QSER1: variants seen among roughly 807,000 people sequenced by gnomAD.
QSER1 encodes glutamine and serine-rich protein 1.
In QSER1, 49 loss-of-function variants were observed where a neutral mutation model predicts 158.5. The ratio of observed to expected loss-of-function variants is 0.31; its 90% confidence interval spans 0.25 to 0.39. QSER1 has a LOEUF of 0.39. QSER1 is among the 10% of genes least tolerant of loss of function. The probability of loss-of-function intolerance (pLI) is 1.00; values close to 1 mark genes in which losing one functional copy is unlikely to be tolerated. For synonymous variants in QSER1, 650 were observed against 715.5 expected (o/e 0.91, Z 1.46); for missense variants, 1,754 against 2,010.3 (o/e 0.87, Z 2.44).
At position 32,893,680 on chromosome 11, in the gene QSER1, A is replaced by C. The variant is rs1851516267; in HGVS notation, c.209+346A>C. Among the ~76,000 whole-genome samples, 2 of 152,072 alleles carry C rather than the reference A, an allele frequency of 1.3e-5. No homozygotes were observed. The highest frequency in any genetic ancestry group is 4.2e-4 in the South Asian group (2 of 4,814). ...ACCCAGGATTGGCGCCGGGGGTCCG[A>C]AGGGGGCGCCGGAGAGTTTGGGGCA... On this transcript the variant is annotated intron_variant, in intron 1 of 12. Transcript: ENST00000650167. The surrounding 1 kb of genome is among the most constrained non-coding windows in gnomAD (Gnocchi z 4.7).
At chr11:32,928,178 T>C in intron 3 of QSER1, 55 bp downstream of exon 3, 3 of 1,058,326 alleles carry the variant, frequency 2.8e-6, no homozygotes, top group Admixed American at 1.7e-5. Flanking sequence ...ATGAAACATA[T>C]ACATTTGATG....
chr11:32,897,351 G>A (rs539829550), intron 1 of QSER1, among the ~76,000 whole-genome samples: 1 of 152,320 alleles, frequency 6.6e-6, no homozygotes, highest in South Asian at 2.1e-4. Context: ...TTGTAAGATA[G>A]TGGAATGCTG....
At chr11:32,964,734 AT>A (rs1852699919) in intron 8 of QSER1, among the ~76,000 whole-genome samples, 1 of 114,646 alleles carries the variant, frequency 8.7e-6, no homozygotes, top group African/African-American at 3.2e-5. Flanking sequence ...ATATATATAT[AT>A]ATATACACAC....
chr11:32,933,182 CA>C lies in QSER1; in HGVS notation c.1925del (p.Gln642ArgfsTer25), dbSNP rs1852080647. 6.2e-7 allele frequency: 1 copy of C among 1,613,742 alleles called. No individual in the cohort carries two copies. The highest frequency in any genetic ancestry group is 1.7e-5 in the Admixed American group (1 of 59,942). On this transcript the variant is annotated frameshift_variant, in exon 4 of 13. Coordinates refer to ENST00000650167, the MANE Select transcript of QSER1 (RefSeq NM_001076786.3). LOFTEE classifies it high-confidence loss of function. The stretch of plus-strand genomic sequence containing the variant: ...TCAAGAGTCATCATCTCCCCAGTCC[CA>C]GAAGTTTTTGCCTGCTGTCCAGTCA... Reference protein sequence around the residue: ...QTQESSSPQSQKFLPAVQSSS... With the variant: ...QTQESSSPQSXKFLPAVQSSS...
intron 1 of QSER1, among the ~76,000 whole-genome samples, chr11:32,914,583 C>T (rs993316844): frequency 5.9e-5 from 9 of 152,222 alleles, no homozygotes; most frequent in Non-Finnish European, 7.4e-5. Context: ...TAACATATTT[C>T]GTGAAACATT....
At position 32,957,978 on chromosome 11, in the gene QSER1, G is replaced by T; in HGVS notation, c.4861G>T (p.Val1621Leu). The T allele has an allele frequency of 6.2e-7, 1 of 1,614,072 alleles. No individual in the cohort carries two copies. Among genetic ancestry groups the T allele is most frequent in the Non-Finnish European group, 8.5e-7 (1 of 1,179,996 alleles). Residue 1621 changes from valine to leucine, a missense_variant, in exon 8 of 13, where the codon GTA becomes TTA. Physicochemically the swap from Val to Leu is conservative, Grantham distance 32. This residue lies in a region of QSER1 where 1,707 missense variants were observed against 1,919.6 expected (regional missense o/e 0.89). Transcript: ENST00000650167. ...SVKPKVKQPK[V>L]KAEPPPKKRK... The stretch of plus-strand genomic sequence containing the variant: ...GAAACCCAAAGTTAAACAGCCAAAA[G>T]TAAAGGCTGAGCCACCACCAAAGAA...
rs1028169072 is a variant in QSER1, at chr11:32,933,712, C to T, written c.2454C>T (p.Ser818=). ...QHPLILKVHE[S]KVQEQHDQII... ...CTCTCATACTTAAGGTGCATGAGTC[C>T]AAGGTCCAGGAACAGCACGATCAAA... Residue 818 remains serine, a synonymous_variant, in exon 4 of 13, where the codon TCC becomes TCT. Coordinates refer to ENST00000650167, the MANE Select transcript of QSER1 (RefSeq NM_001076786.3). 2.5e-6 allele frequency: 4 copies of T among 1,613,942 alleles called. No individual in the cohort carries two copies. The South Asian group carries it at 4.4e-5, about 18-fold the overall frequency.
Position 32,933,645 on chromosome 11 carries a change from C to T in QSER1, c.2387C>T (p.Pro796Leu). ...LKNSTNLIQTPQIRLNTKDLK... is the reference protein window; with the variant it reads ...LKNSTNLIQTLQIRLNTKDLK... ...AACTCAACTAATTTAATACAGACTC[C>T]ACAAATAAGGTTGAATACTAAAGAC... Residue 796 changes from proline (P) to leucine (L), a missense_variant, in exon 4 of 13, where the codon CCA becomes CTA. Pro to Leu is a moderately conservative substitution (Grantham distance 98). Transcript: ENST00000650167. 1.2e-6 allele frequency: 2 copies of T among 1,613,554 alleles called. No individual in the cohort carries two copies. The highest frequency in any genetic ancestry group is 2.2e-5 in the South Asian group (2 of 90,942).
intron 8 of QSER1, among the ~76,000 whole-genome samples, chr11:32,959,364 G>A (rs1248071558): frequency 6.6e-6 from 1 of 152,176 alleles, no homozygotes; most frequent in Non-Finnish European, 1.5e-5. Flanking sequence ...AAGAAAAGAG[G>A]AAGGGATGAT....
chr11:32,916,631 T>C (rs1221852969), intron 1 of QSER1, among the ~76,000 whole-genome samples: 1 of 152,232 alleles, frequency 6.6e-6, no homozygotes, highest in African/African-American at 2.4e-5. Flanking sequence ...AGGATCTTAC[T>C]GCCCTGAATA....
chr11:32,954,708 T>G (rs186510294), intron 5 of QSER1, among the ~76,000 whole-genome samples: 8 of 152,260 alleles, frequency 5.3e-5, no homozygotes, highest in Non-Finnish European at 7.4e-5. Flanking sequence ...AAAATAGAGA[T>G]GGGATCATGC....
rs772551547 is a variant in QSER1 at position 32,957,980 on chromosome 11, A to G, written c.4863A>G (p.Val1621=). 150 of 1,614,034 alleles carry G rather than the reference A, an allele frequency of 9.3e-5. No homozygotes were observed. Among genetic ancestry groups the G allele is most frequent in the Admixed American group, 2.2e-4 (13 of 60,016 alleles). Residue 1621 remains valine (V), a synonymous_variant, in exon 8 of 13, where the codon GTA becomes GTG. Transcript: ENST00000650167. ...SVKPKVKQPK[V]KAEPPPKKRK... Reference sequence around the variant, plus strand: ...AACCCAAAGTTAAACAGCCAAAAGTAAAGGCTGAGCCACCACCAAAGAAAC... The same window carrying G: ...AACCCAAAGTTAAACAGCCAAAAGTGAAGGCTGAGCCACCACCAAAGAAAC...
At chr11:32,928,250 T>A in intron 3 of QSER1, 127 bp downstream of exon 3, 1 of 632,652 alleles carries the variant, frequency 1.6e-6, no homozygotes, top group Non-Finnish European at 2.7e-6. Context: ...CTTTAAGACC[T>A]GGAATTTTTC....
intron 10 of QSER1, 144 bp from the exon 11 acceptor site, chr11:32,973,253 C>T: frequency 1.3e-6 from 1 of 794,976 alleles, no homozygotes; most frequent in South Asian, 1.6e-5. Flanking sequence ...ACACACACCT[C>T]TCTGCAAATA....
Position 32,952,004 on chromosome 11 carries a change from A to T in QSER1, c.4178-1853A>T, listed in dbSNP as rs1012396125. 2.0e-5 allele frequency among the ~76,000 whole-genome samples: 3 copies of T among 151,550 alleles called. No homozygotes were observed. The South Asian group carries it at 6.3e-4, about 32-fold the overall frequency. ...AGGTGTGTACCACCATGCCTGGCTAATTTTTTTGTATTTTTAGTAGAGATG... is the reference window on the plus strand; with the variant it reads ...AGGTGTGTACCACCATGCCTGGCTATTTTTTTTGTATTTTTAGTAGAGATG... On this transcript the variant is annotated intron_variant, in intron 4 of 12. Coordinates refer to ENST00000650167, the MANE Select transcript of QSER1 (RefSeq NM_001076786.3).
intron 1 of QSER1, among the ~76,000 whole-genome samples, chr11:32,913,725 A>T (rs753209144): frequency 3.9e-5 from 6 of 152,120 alleles, no homozygotes; most frequent in Non-Finnish European, 8.8e-5. Flanking sequence ...TGCTGACCGT[A>T]TGTGCTTTAT....
Position 32,973,477 on chromosome 11 carries a change from A to G in QSER1, c.5286A>G (p.Lys1762=). The change falls in exon 11 of 13, where the codon AAA becomes AAG. Residue 1762 remains lysine (K), a synonymous_variant. Coordinates refer to ENST00000650167, the MANE Select transcript of QSER1 (RefSeq NM_001076786.3). ...KAKSGGTAIS[K]IKMNGKAYNK... ...AGAGTGGAGGAACTGCTATTTCTAA[A>G]ATCAAAATGAATGGCAAAGCCTATA... The G allele has an allele frequency of 6.2e-7, 1 of 1,613,748 alleles. No individual in the cohort carries two copies. Among genetic ancestry groups the G allele is most frequent in the Non-Finnish European group, 8.5e-7 (1 of 1,179,734 alleles).
chr11:32,961,990 T>C (rs1443761719), intron 8 of QSER1, among the ~76,000 whole-genome samples: 2 of 152,206 alleles, frequency 1.3e-5, no homozygotes, highest in African/African-American at 4.8e-5. Flanking sequence ...TTTGGAGGCA[T>C]AGACCTGAAG....
intron 4 of QSER1, among the ~76,000 whole-genome samples, chr11:32,937,310 A>C (rs1852166848): frequency 6.6e-6 from 1 of 151,722 alleles, no homozygotes. Flanking sequence ...TAAGAGACAG[A>C]GTCTTGCTCT....
Sources: gnomAD v4.1 joint callset for allele counts (sites outside exome capture counted in the v4.1 genomes callset) on GRCh38, gnomAD v4.1.1 for gene constraint, gnomAD v4.1.1 regional missense constraint, Gnocchi (gnomAD v3.1) non-coding constraint, MANE v1.5 for transcripts, NCBI Gene and HGNC (gene_info 2026-07-23, HGNC 2026-07-21) for gene names.